The following FAM135A variants were observed in gnomAD, a reference collection of about 807,000 sequenced individuals.
FAM135A encodes the protein protein FAM135A.
In FAM135A, 79 loss-of-function variants were observed where a neutral mutation model predicts 146.8. That is an observed-to-expected ratio of 0.54 (90% CI 0.45 to 0.65). The LOEUF is 0.65. FAM135A is among the 30% of genes least tolerant of loss of function. FAM135A has a pLI of 0.00. For missense variants in FAM135A, 1,623 were observed against 1,758.2 expected, an observed-to-expected ratio of 0.92 and a Z score of 1.38; for synonymous variants, 562 against 603.6, an observed-to-expected ratio of 0.93 and a Z score of 1.01.
chr6:70,414,115 C>G (rs903537071), intron 1 of FAM135A: 5 of 880,754 alleles, frequency 5.7e-6, no homozygotes, highest in Non-Finnish European at 6.8e-6. Flanking sequence ...GTCTTTTTGC[C>G]CGGGTGGTCC....
chr6:70,514,213 TTC>T (rs947065172), intron 12 of FAM135A, among the ~76,000 whole-genome samples: 20 of 152,240 alleles, frequency 1.3e-4, no homozygotes, highest in African/African-American at 4.6e-4. Flanking sequence ...ACTGAATAAT[TTC>T]TGTTATTCTG....
intron 4 of FAM135A, among the ~76,000 whole-genome samples, chr6:70,445,824 G>A (rs967037568): frequency 6.6e-6 from 1 of 152,008 alleles, no homozygotes; most frequent in Non-Finnish European, 1.5e-5. Flanking sequence ...CAGTTTTGGG[G>A]CCAGTTTAAT....
At chr6:70,507,771 A>G (rs1790116719) in intron 12 of FAM135A, among the ~76,000 whole-genome samples, 1 of 152,068 alleles carries the variant, frequency 6.6e-6, no homozygotes, top group Non-Finnish European at 1.5e-5. Context: ...GACCCATACT[A>G]ATTAAAAAGA....
chr6:70,435,143 G>T (rs560131223), intron 4 of FAM135A, among the ~76,000 whole-genome samples: 16 of 138,078 alleles, frequency 1.2e-4, no homozygotes, highest in African/African-American at 3.8e-4. Context: ...TCTCACTCTT[G>T]CCCAGGCTGG....
rs772885513 is a variant in FAM135A, at chr6:70,525,908, C to T, written c.2824C>T (p.Pro942Ser). 2.5e-6 allele frequency: 4 copies of T among 1,613,144 alleles called. No individual in the cohort carries two copies. In the Admixed American group the frequency reaches 6.7e-5, roughly 27 times the overall value. ...SDVKSSCSSK[P>S]NLDTMCKGFQ... ...TGTGAAAAGTAGTTGCAGCTCCAAA[C>T]CTAACTTGGATACTATGTGTAAAGG... The change falls in exon 15 of 22, where the codon CCT becomes TCT. Residue 942 changes from proline to serine, a missense_variant. Pro to Ser is a moderately conservative substitution (Grantham distance 74). This residue lies in a region of FAM135A where 1,061 missense variants were observed against 1,113.8 expected (regional missense o/e 0.95). Transcript: ENST00000418814.
At chr6:70,523,192 TTGAC>T (rs1469173215) in intron 13 of FAM135A, among the ~76,000 whole-genome samples, 3 of 152,190 alleles carry the variant, frequency 2.0e-5, no homozygotes, top group Non-Finnish European at 4.4e-5. Context: ...TTTCTTGGCA[TTGAC>T]TTGTGCTGGA....
At chr6:70,535,085 T>A (rs1263000209) in intron 18 of FAM135A, among the ~76,000 whole-genome samples, 1 of 152,212 alleles carries the variant, frequency 6.6e-6, no homozygotes, top group Non-Finnish European at 1.5e-5. Flanking sequence ...GTCTTTCAGG[T>A]TAGATTGTCA....
chr6:70,469,768 G>A (rs551673743), intron 5 of FAM135A, among the ~76,000 whole-genome samples: 1 of 152,286 alleles, frequency 6.6e-6, no homozygotes, highest in East Asian at 1.9e-4. Flanking sequence ...CCATGAGGTA[G>A]GAGTAGAACT....
chr6:70,497,788 A>G (rs888301372), intron 11 of FAM135A, among the ~76,000 whole-genome samples: 3 of 152,054 alleles, frequency 2.0e-5, no homozygotes, highest in South Asian at 2.1e-4. Context: ...ATTGATTTGC[A>G]TATGTTGAAC....
chr6:70,426,750 A>C (rs1770240635), intron 3 of FAM135A: 1 of 152,220 alleles, frequency 6.6e-6, no homozygotes, highest in Non-Finnish European at 1.5e-5. Flanking sequence ...CAAGAGTACC[A>C]GGTGACACCT....
intron 2 of FAM135A, among the ~76,000 whole-genome samples, chr6:70,421,203 G>T (rs1768762142): frequency 6.6e-6 from 1 of 151,810 alleles, no homozygotes; most frequent in Non-Finnish European, 1.5e-5. Context: ...TTTTTTTAGT[G>T]TTCTACATTT....
chr6:70,559,789 C>G lies in FAM135A; in HGVS notation c.4416C>G (p.Arg1472=), dbSNP rs200640059. 1 of 1,614,116 alleles carries G rather than the reference C, an allele frequency of 6.2e-7. No homozygotes were observed. The highest frequency in any genetic ancestry group is 8.5e-7 in the Non-Finnish European group (1 of 1,180,024). Residue 1472 remains arginine (R), a synonymous_variant, in exon 22 of 22, where the codon CGC becomes CGG. Transcript: ENST00000418814. ...AAAGCAAGGACTGTAATTTGGTTCGCTATAATGTCATCAATGCATTGCCCA... is the reference window on the plus strand; with the variant it reads ...AAAGCAAGGACTGTAATTTGGTTCGGTATAATGTCATCAATGCATTGCCCA... The part of the protein sequence containing the change: ...VLQSKDCNLV[R]YNVINALPNT...
rs114229203 is a variant in FAM135A at position 70,559,767 on chromosome 6, G to A, written c.4394G>A (p.Ser1465Asn). The A allele has an allele frequency of 5.0e-4, 814 of 1,614,096 alleles. 1 individual carries two copies. The African/African-American group carries it at 9.1e-3, about 18-fold the overall frequency. Reference sequence around the variant, plus strand: ...AACTTGCTTCGACCCGTTCTGCAAAGCAAGGACTGTAATTTGGTTCGCTAT... The same window carrying A: ...AACTTGCTTCGACCCGTTCTGCAAAACAAGGACTGTAATTTGGTTCGCTAT... ...IHNLLRPVLQ[S>N]KDCNLVRYNV... Residue 1465 changes from serine to asparagine, a missense_variant, in exon 22 of 22, where the codon AGC (serine) becomes AAC (asparagine). Physicochemically the swap from Ser to Asn is conservative, Grantham distance 46. Transcript: ENST00000418814.
At chr6:70,486,009 A>G (rs940853580) in intron 10 of FAM135A, among the ~76,000 whole-genome samples, 3 of 152,260 alleles carry the variant, frequency 2.0e-5, no homozygotes, top group Non-Finnish European at 4.4e-5. Context: ...AAAGAAATAT[A>G]TACTTGAATG....
At chr6:70,469,650 G>A (rs1021809759) in intron 5 of FAM135A, among the ~76,000 whole-genome samples, 6 of 152,136 alleles carry the variant, frequency 3.9e-5, no homozygotes, top group Admixed American at 3.3e-4. Context: ...AACCTAGCCA[G>A]TCTGGCTTCA....
At chr6:70,517,523 A>T (rs184583290) in intron 12 of FAM135A, among the ~76,000 whole-genome samples, 3 of 150,972 alleles carry the variant, frequency 2.0e-5, no homozygotes, top group African/African-American at 7.3e-5. Context: ...GGTTCAAGCA[A>T]TTCTCCTGCC....
chr6:70,474,498 T>G (rs1782236984), intron 5 of FAM135A, among the ~76,000 whole-genome samples: 3 of 152,048 alleles, frequency 2.0e-5, no homozygotes, highest in Non-Finnish European at 4.4e-5. Context: ...AATCTGGGGG[T>G]TCCCATTATT....
chr6:70,528,239 C>T, intron 15 of FAM135A, 53 bp from the exon 16 acceptor site: 1 of 1,512,426 alleles, frequency 6.6e-7, no homozygotes, highest in Non-Finnish European at 8.9e-7. Context: ...CAGGAGGGTT[C>T]TAACAACTGA....
At chr6:70,544,305 G>A (rs1798457840) in intron 20 of FAM135A, among the ~76,000 whole-genome samples, 2 of 152,034 alleles carry the variant, frequency 1.3e-5, no homozygotes, top group Admixed American at 6.6e-5. Context: ...TTGGGAGGCT[G>A]AGGCAGGCAG....
Sources: allele counts gnomAD v4.1 joint callset (sites outside exome capture counted in the v4.1 genomes callset), GRCh38; gene constraint gnomAD v4.1.1; regional missense constraint gnomAD v4.1.1; transcripts MANE v1.5; gene names NCBI Gene and HGNC (gene_info 2026-07-23, HGNC 2026-07-21).